Variants in SIK2 observed in about 807,000 individuals in gnomAD.
SIK2 encodes the protein serine/threonine-protein kinase SIK2.
A neutral mutation model predicts 103.2 loss-of-function variants in SIK2; 29 were observed. The observed-to-expected ratio is 0.28, with a 90% CI of 0.21 to 0.38. SIK2 has a LOEUF of 0.38. Ranked by LOEUF, SIK2 falls within the 10% of genes least tolerant of loss-of-function variation. The pLI is 1.00. For missense variants in SIK2, 879 were observed against 1,171.0 expected, an observed-to-expected ratio of 0.75 and a Z score of 3.64; for synonymous variants, 412 against 446.1, an observed-to-expected ratio of 0.92 and a Z score of 0.96.
At chr11:111,697,830 AAAAAAAGGAAAAG>A (rs1943113613) in intron 4 of SIK2, among the ~76,000 whole-genome samples, 1 of 150,238 alleles carries the variant, frequency 6.7e-6, no homozygotes, top group South Asian at 2.1e-4. Context: ...GTCTCTACCC[AAAAAAAGGAAAAG>A]AAAAAAGGAA....
intron 3 of SIK2, among the ~76,000 whole-genome samples, chr11:111,672,729 G>C (rs902655838): frequency 1.3e-5 from 2 of 152,158 alleles, no homozygotes; most frequent in African/African-American, 4.8e-5. Flanking sequence ...ACACCTTCAA[G>C]AGGATACAAG....
intron 1 of SIK2, among the ~76,000 whole-genome samples, chr11:111,606,657 G>A (rs1295266355): frequency 6.6e-6 from 1 of 151,932 alleles, no homozygotes; most frequent in Admixed American, 6.6e-5. Context: ...GAATATTTTT[G>A]TGCCTATAAC....
At chr11:111,653,787 T>C (rs1347923019) in intron 3 of SIK2, among the ~76,000 whole-genome samples, 2 of 152,256 alleles carry the variant, frequency 1.3e-5, no homozygotes, top group Non-Finnish European at 2.9e-5. Context: ...AATTTTAGGA[T>C]TGCCCTGGGG....
At chr11:111,653,334 C>A (rs1319945360) in intron 3 of SIK2, among the ~76,000 whole-genome samples, 1 of 152,228 alleles carries the variant, frequency 6.6e-6, no homozygotes, top group Non-Finnish European at 1.5e-5. Flanking sequence ...ATTTATGGAA[C>A]TGTTCTCGGA....
At chr11:111,660,330 C>G (rs962185341) in intron 3 of SIK2, among the ~76,000 whole-genome samples, 1 of 152,090 alleles carries the variant, frequency 6.6e-6, no homozygotes, top group Non-Finnish European at 1.5e-5. Context: ...CCCTTAGGTC[C>G]ATATGCACCG....
At chr11:111,716,978 T>A (rs763964824) in intron 9 of SIK2, among the ~76,000 whole-genome samples, 2 of 151,920 alleles carry the variant, frequency 1.3e-5, no homozygotes, top group African/African-American at 4.8e-5. Context: ...GAACAGACAC[T>A]TCTGAAAAGA....
chr11:111,701,323 T>G lies in SIK2; in HGVS notation c.604-129T>G. The G allele has an allele frequency of 7.8e-7, 1 of 1,285,738 alleles. No homozygotes were observed. The highest frequency in any genetic ancestry group is 1.1e-6 in the Non-Finnish European group (1 of 951,970). The allele number at this position is 1,285,738 out of a possible 1,614,324, so 79.6% of individuals were successfully genotyped here. On this transcript the variant is annotated intron_variant, in intron 5 of 14. Coordinates refer to ENST00000304987, the MANE Select transcript of SIK2 (RefSeq NM_015191.3). This position sits in a 1 kb window ranked among gnomAD's most constrained non-coding sequence, Gnocchi z 4.2. ...AGGGTTTTGGATTTTTTTCAAATTCTGAGAAAATAATAAATCCAGACAGGA... is the reference window on the plus strand; with the variant it reads ...AGGGTTTTGGATTTTTTTCAAATTCGGAGAAAATAATAAATCCAGACAGGA...
rs1943528190 is a variant in SIK2 at position 111,712,488 on chromosome 11, A to G, written c.1266+113A>G. 6.3e-6 allele frequency: 7 copies of G among 1,114,044 alleles called. No individual in the cohort carries two copies. In the East Asian group the frequency reaches 1.8e-4, roughly 29 times the overall value. 69.0% of individuals were successfully genotyped at this position (1,114,044 alleles called of 1,614,324 possible). ...ACTTTATCATTTCGTTAAGTCACTCAGGAGTGATGCTTTTGTGGAGAAAAA... is the reference window on the plus strand; with the variant it reads ...ACTTTATCATTTCGTTAAGTCACTCGGGAGTGATGCTTTTGTGGAGAAAAA... On this transcript the variant is annotated intron_variant, in intron 9 of 14. Transcript: ENST00000304987.
chr11:111,705,786 A>G lies in SIK2; in HGVS notation c.1101+647A>G, dbSNP rs983910468. ...CTAAGCTGAAAAATGATAAAATTCT[A>G]TCGATGCTTTAAGCTAATTAATCTG... is the stretch of plus-strand genomic sequence containing the variant. On this transcript the variant is annotated intron_variant, in intron 8 of 14. Coordinates refer to ENST00000304987, the MANE Select transcript of SIK2 (RefSeq NM_015191.3). The surrounding 1 kb of genome is among the most constrained non-coding windows in gnomAD (Gnocchi z 4.3). 2.6e-5 allele frequency among the ~76,000 whole-genome samples: 4 copies of G among 152,238 alleles called. No individual in the cohort carries two copies. Among genetic ancestry groups the G allele is most frequent in the South Asian group, 2.1e-4 (1 of 4,836 alleles).
intron 3 of SIK2, among the ~76,000 whole-genome samples, chr11:111,668,177 G>GGTGT (rs72041846): frequency 3.8e-5 from 5 of 129,926 alleles, no homozygotes; most frequent in Admixed American, 7.2e-5. Flanking sequence ...ACTAAAGTAA[G>GGTGT]GAGTGTGTGT....
chr11:111,631,202 G>A (rs908297486), intron 3 of SIK2, among the ~76,000 whole-genome samples: 1 of 152,142 alleles, frequency 6.6e-6, no homozygotes, highest in Non-Finnish European at 1.5e-5. Flanking sequence ...AGGAAGATGA[G>A]TTTGTTGATT....
chr11:111,703,212 A>G lies in SIK2; in HGVS notation c.737A>G (p.His246Arg). 6.2e-7 allele frequency: 1 copy of G among 1,614,070 alleles called. No homozygotes were observed. The change falls in exon 7 of 15, where the codon CAC (histidine) becomes CGC (arginine). Residue 246 changes from histidine (H) to arginine (R), a missense_variant. By Grantham distance (29) the His-to-Arg change is conservative. Around this residue, in one of 7 missense-constraint regions of SIK2, gnomAD observed 99 missense variants for 153.9 expected, o/e 0.64. Coordinates refer to ENST00000304987, the MANE Select transcript of SIK2 (RefSeq NM_015191.3). ...ATTGTGTTTTCTATAGATTGCGAGC[A>G]CCTTATCCGAAGGATGTTGGTCCTA... ...IPYFMSEDCE[H>R]LIRRMLVLDP...
Position 111,712,314 on chromosome 11 carries a change from C to G in SIK2, c.1205C>G (p.Pro402Arg). 2 of 1,614,202 alleles carry G rather than the reference C, an allele frequency of 1.2e-6. No individual in the cohort carries two copies. The highest frequency in any genetic ancestry group is 1.7e-6 in the Non-Finnish European group (2 of 1,180,046). ...TCCAACGTGGAGGCCTTTTCATTTC[C>G]AGCATCTGGCTGTCAGGCGGAAGCT... is the stretch of plus-strand genomic sequence containing the variant. ...QASNVEAFSF[P>R]ASGCQAEAAF... The change falls in exon 9 of 15, where the codon CCA (proline) becomes CGA (arginine). Residue 402 changes from proline to arginine, a missense_variant. By Grantham distance (103) the Pro-to-Arg change is moderately radical (BLOSUM62 -2). Transcript: ENST00000304987.
intron 3 of SIK2, among the ~76,000 whole-genome samples, chr11:111,661,034 A>G (rs752420784): frequency 1.3e-5 from 2 of 151,876 alleles, no homozygotes; most frequent in African/African-American, 2.4e-5. Context: ...CAGGATTCCT[A>G]GTAAGGAGTG....
chr11:111,713,473 A>G (rs983955831), intron 9 of SIK2, among the ~76,000 whole-genome samples: 9 of 152,176 alleles, frequency 5.9e-5, no homozygotes, highest in African/African-American at 2.2e-4. Context: ...TGAGACTATT[A>G]TGAGGATTAA....
rs1944035804 is a variant in SIK2, at chr11:111,728,110, T to A, written c.*3981T>A. On this transcript the variant is annotated 3_prime_UTR_variant, in exon 15 of 15. Coordinates refer to ENST00000304987, the MANE Select transcript of SIK2 (RefSeq NM_015191.3). ...GCTGACACCGGTGCCAGGGCTGACC[T>A]GCTACACTCAAACTCCTAAACTGGG... 6.6e-6 allele frequency: 1 copy of A among 152,116 alleles called. No individual in the cohort carries two copies. Among genetic ancestry groups the A allele is most frequent in the Non-Finnish European group, 1.5e-5 (1 of 68,040 alleles). 9.4% of individuals were successfully genotyped at this position (152,116 alleles called of 1,614,324 possible).
rs1365378966 is a variant in SIK2 at position 111,726,486 on chromosome 11, C to T, written c.*2357C>T. On this transcript the variant is annotated 3_prime_UTR_variant, in exon 15 of 15. Coordinates refer to ENST00000304987, the MANE Select transcript of SIK2 (RefSeq NM_015191.3). The stretch of plus-strand genomic sequence containing the variant: ...GGCCTGATGCAGAGCGTGACCCCTC[C>T]TGCTGGGACCTGTGTTGTAAGCTCC... 2.5e-5 allele frequency: 4 copies of T among 157,700 alleles called. No homozygotes were observed. The East Asian group carries it at 7.3e-4, about 29-fold the overall frequency. 9.8% of individuals were successfully genotyped at this position (157,700 alleles called of 1,614,324 possible).
At chr11:111,644,823 T>C (rs78503279) in intron 3 of SIK2, among the ~76,000 whole-genome samples, 3,670 of 152,340 alleles carry the variant, frequency 0.024, 93 homozygotes, top group African/African-American at 0.062. Flanking sequence ...ATTTTTTATA[T>C]ATAACATAAG....
intron 3 of SIK2, among the ~76,000 whole-genome samples, chr11:111,681,711 T>C (rs1215905147): frequency 6.6e-6 from 1 of 152,124 alleles, no homozygotes; most frequent in Non-Finnish European, 1.5e-5. Flanking sequence ...ATAATAACTC[T>C]AGTTGACAAG....
Sources: allele counts gnomAD v4.1 joint callset (sites outside exome capture counted in the v4.1 genomes callset), GRCh38; gene constraint gnomAD v4.1.1; regional missense constraint gnomAD v4.1.1; non-coding constraint Gnocchi (gnomAD v3.1); transcripts MANE v1.5; gene names NCBI Gene and HGNC (gene_info 2026-07-23, HGNC 2026-07-21).